The following AGBL1 variants were observed in gnomAD, a reference collection of about 807,000 sequenced individuals.
The protein encoded by AGBL1 is cytosolic carboxypeptidase 4.
Under a neutral mutation model 118.9 loss-of-function variants are expected in AGBL1, and 130 were observed. That is an observed-to-expected ratio of 1.09 (90% confidence interval 0.95 to 1.26). The LOEUF (loss-of-function observed/expected upper bound fraction) is 1.26. Among genes scored for constraint, AGBL1 ranks in the 50% most tolerant of loss-of-function variants. The probability of loss-of-function intolerance (pLI) is 0.00; values close to 1 mark genes in which losing one functional copy is unlikely to be tolerated. For synonymous variants in AGBL1, 555 were observed against 478.9 expected (o/e 1.16, Z -2.08); for missense variants, 1,584 against 1,298.1 (o/e 1.22, Z -3.38).
intron 5 of AGBL1, among the ~76,000 whole-genome samples, chr15:86,184,511 G>A (rs1158331877): frequency 6.8e-6 from 1 of 146,806 alleles, no homozygotes; most frequent in Non-Finnish European, 1.5e-5. Context: ...TTTGAATGTT[G>A]GCCTGCCTGG....
chr15:86,930,985 A>G (rs918821892), intron 23 of AGBL1, among the ~76,000 whole-genome samples: 3 of 152,186 alleles, frequency 2.0e-5, no homozygotes, highest in African/African-American at 7.2e-5. Context: ...CCCACCAAAC[A>G]GATCTGCTGG....
chr15:86,880,959 T>C (rs1026933711), intron 22 of AGBL1, among the ~76,000 whole-genome samples: 39 of 152,030 alleles, frequency 2.6e-4, no homozygotes, highest in African/African-American at 8.9e-4. Flanking sequence ...GGGGCGTCTG[T>C]GTGTTCTTCA....
At chr15:86,474,061 T>C (rs1422844590) in intron 18 of AGBL1, among the ~76,000 whole-genome samples, 1 of 152,180 alleles carries the variant, frequency 6.6e-6, no homozygotes, top group Non-Finnish European at 1.5e-5. Flanking sequence ...TTGGCTGATT[T>C]TGACACACAC....
chr15:86,263,670 C>T (rs1193960255), intron 10 of AGBL1, among the ~76,000 whole-genome samples: 1 of 152,196 alleles, frequency 6.6e-6, no homozygotes, highest in Admixed American at 6.5e-5. Flanking sequence ...GAACATTAGA[C>T]CTGGTGATGC....
chr15:86,434,698 G>T (rs930595665), intron 18 of AGBL1, among the ~76,000 whole-genome samples: 5 of 152,118 alleles, frequency 3.3e-5, no homozygotes, highest in African/African-American at 9.7e-5. Context: ...TTTTCTACCT[G>T]CTGCCAAAAT....
chr15:86,488,252 C>T (rs1278597360), intron 18 of AGBL1, among the ~76,000 whole-genome samples: 1 of 151,950 alleles, frequency 6.6e-6, no homozygotes, highest in African/African-American at 2.4e-5. Context: ...GGAAGTCACC[C>T]GAAGATATGT....
intron 21 of AGBL1, among the ~76,000 whole-genome samples, chr15:86,559,000 T>C (rs943650192): frequency 6.6e-6 from 1 of 152,184 alleles, no homozygotes; most frequent in African/African-American, 2.4e-5. Flanking sequence ...AAGGCAACTG[T>C]TTCGTGCCTT....
At chr15:86,555,976 T>C (rs1200093054) in intron 21 of AGBL1, among the ~76,000 whole-genome samples, 1 of 152,208 alleles carries the variant, frequency 6.6e-6, no homozygotes, top group Non-Finnish European at 1.5e-5. Flanking sequence ...TCTCTGTACA[T>C]GTGTCTTGAT....
chr15:86,391,666 G>A (rs867425641), intron 17 of AGBL1, among the ~76,000 whole-genome samples: 1 of 13,950 alleles, frequency 7.2e-5, no homozygotes, highest in African/African-American at 2.5e-4. Flanking sequence ...TTTTTTTTTT[G>A]TGGTGCTTCC....
intron 22 of AGBL1, among the ~76,000 whole-genome samples, chr15:86,704,497 C>G (rs751550394): frequency 1.1e-4 from 16 of 151,872 alleles, no homozygotes; most frequent in Non-Finnish European, 2.1e-4. Context: ...AGACACTTCT[C>G]AAGACATTTA....
chr15:86,690,462 G>T (rs1214180183), intron 22 of AGBL1, among the ~76,000 whole-genome samples: 1 of 152,074 alleles, frequency 6.6e-6, no homozygotes, highest in African/African-American at 2.4e-5. Context: ...TAATTCATTT[G>T]GGGTGAGATT....
rs748968998 is a variant in AGBL1 at position 86,849,322 on chromosome 15, G to A, written c.3159-57765G>A. On this transcript the variant is annotated intron_variant, in intron 22 of 22. Coordinates refer to ENST00000614907, the MANE Select transcript of AGBL1 (RefSeq NM_001386094.1). ...AAGCAGTTCCTCTGGCTGCTGAAGCGGCCAGGCTGCTATGCACGCTGGGAT... is the reference window on the plus strand; with the variant it reads ...AAGCAGTTCCTCTGGCTGCTGAAGCAGCCAGGCTGCTATGCACGCTGGGAT... Among the ~76,000 whole-genome samples the A allele has an allele frequency of 8.3e-4, 126 of 152,242 alleles. No individual in the cohort carries two copies. The Middle Eastern group carries it at 0.01, about 12-fold the overall frequency.
At chr15:86,632,284 A>AG (rs1252552382) in intron 21 of AGBL1, among the ~76,000 whole-genome samples, 3 of 150,902 alleles carry the variant, frequency 2.0e-5, no homozygotes, top group Non-Finnish European at 4.4e-5. Context: ...TAAAAAAAAA[A>AG]AAAAAAAAGG....
At chr15:86,584,633 C>A (rs528389680) in intron 21 of AGBL1, among the ~76,000 whole-genome samples, 2 of 152,134 alleles carry the variant, frequency 1.3e-5, no homozygotes, top group South Asian at 2.1e-4. Flanking sequence ...TGGCTTTGTT[C>A]TTCTTGCTTA....
In AGBL1 at chr15:86,738,858, G is replaced by A. The variant is rs1419983588; in HGVS notation, c.3158+64422G>A. On this transcript the variant is annotated intron_variant, in intron 22 of 22. Transcript: ENST00000614907. Reference sequence around the variant, plus strand: ...TCTACATACTTAAAAAAATATCCCAGCCAGGCTTGGTGGCTCACGCCTGTA... The same window carrying A: ...TCTACATACTTAAAAAAATATCCCAACCAGGCTTGGTGGCTCACGCCTGTA... 2.0e-5 allele frequency among the ~76,000 whole-genome samples: 3 copies of A among 152,108 alleles called. No homozygotes were observed. The East Asian group carries it at 5.8e-4, about 29-fold the overall frequency.
chr15:86,289,270 TC>T (rs1210738653), intron 16 of AGBL1, among the ~76,000 whole-genome samples: 1 of 152,180 alleles, frequency 6.6e-6, no homozygotes, highest in African/African-American at 2.4e-5. Flanking sequence ...CATGCTATTT[TC>T]CATGCCTCAC....
chr15:86,126,821 A>G (rs1898463718), intron 1 of AGBL1, among the ~76,000 whole-genome samples: 1 of 152,216 alleles, frequency 6.6e-6, no homozygotes, highest in Non-Finnish European at 1.5e-5. Context: ...GATACACCAA[A>G]TCTTGCAACA....
chr15:87,006,110 G>C (rs1238562419), intron 24 of AGBL1, among the ~76,000 whole-genome samples: 1 of 152,156 alleles, frequency 6.6e-6, no homozygotes, highest in Non-Finnish European at 1.5e-5. Flanking sequence ...CCCTACTGTT[G>C]GGTGCCTGCC....
intron 21 of AGBL1, among the ~76,000 whole-genome samples, chr15:86,667,955 G>A (rs1268065057): frequency 1.3e-5 from 2 of 152,202 alleles, no homozygotes; most frequent in African/African-American, 4.8e-5. Flanking sequence ...CATCTGCTCA[G>A]CTTCTGGTGA....
Sources: allele counts gnomAD v4.1 joint callset (sites outside exome capture counted in the v4.1 genomes callset), GRCh38; gene constraint gnomAD v4.1.1; transcripts MANE v1.5; gene names NCBI Gene and HGNC (gene_info 2026-07-23, HGNC 2026-07-21).